Variants in TAFA1 observed in about 807,000 individuals in gnomAD.
TAFA1 encodes the protein TAFA chemokine like family member 1.
In TAFA1, 4 loss-of-function variants were observed where a neutral mutation model predicts 18.5. The observed-to-expected ratio is 0.22, with a 90% CI of 0.11 to 0.49. TAFA1 has a LOEUF of 0.49. Ranked by LOEUF, TAFA1 falls within the 20% of genes least tolerant of loss-of-function variation. The probability of loss-of-function intolerance (pLI) is 0.98; values close to 1 mark genes in which losing one functional copy is unlikely to be tolerated. For synonymous variants in TAFA1, 56 were observed against 55.2 expected (o/e 1.01, Z -0.06); for missense variants, 147 against 169.0 (o/e 0.87, Z 0.72).
intron 2 of TAFA1, among the ~76,000 whole-genome samples, chr3:68,181,378 C>CA (rs572609783): frequency 0.21 from 16,496 of 80,096 alleles, 1,032 homozygotes; most frequent in Admixed American, 0.31. Context: ...CTAGAACATA[C>CA]AAAAAAAAAA....
intron 2 of TAFA1, among the ~76,000 whole-genome samples, chr3:68,159,624 T>A (rs1171746613): frequency 1.3e-5 from 2 of 152,266 alleles, no homozygotes; most frequent in East Asian, 3.9e-4. Context: ...ACTGGACACT[T>A]CCTACAGGGC....
intron 2 of TAFA1, among the ~76,000 whole-genome samples, chr3:68,146,692 A>C (rs1012805315): frequency 6.6e-6 from 1 of 152,248 alleles, no homozygotes; most frequent in Admixed American, 6.5e-5. Flanking sequence ...GGTGGAACCC[A>C]GATTTCAGTA....
chr3:68,265,564 G>A (rs920173332), intron 2 of TAFA1, among the ~76,000 whole-genome samples: 2 of 152,148 alleles, frequency 1.3e-5, no homozygotes, highest in African/African-American at 4.8e-5. Flanking sequence ...GTCCCACTAG[G>A]GGAAGGAACT....
intron 3 of TAFA1, among the ~76,000 whole-genome samples, chr3:68,497,426 C>A (rs1238375739): frequency 1.3e-5 from 2 of 152,052 alleles, no homozygotes; most frequent in Admixed American, 1.3e-4. Flanking sequence ...TTACAATAAT[C>A]TAATGTGGTC....
intron 4 of TAFA1, among the ~76,000 whole-genome samples, chr3:68,543,973 A>G (rs1253502389): frequency 6.6e-6 from 1 of 152,110 alleles, no homozygotes; most frequent in African/African-American, 2.4e-5. Context: ...CCAGCCCTCT[A>G]TATCTTACAA....
intron 2 of TAFA1, among the ~76,000 whole-genome samples, chr3:68,316,145 G>C (rs1169959956): frequency 6.6e-6 from 1 of 152,178 alleles, no homozygotes; most frequent in Non-Finnish European, 1.5e-5. Context: ...CTGAGTAAAG[G>C]CTGTTTTGTT....
chr3:68,275,871 G>T (rs149150717), intron 2 of TAFA1, among the ~76,000 whole-genome samples: 1 of 151,990 alleles, frequency 6.6e-6, no homozygotes, highest in East Asian at 1.9e-4. Flanking sequence ...CCCCAAATGC[G>T]ACTACCTAAC....
At chr3:68,381,982 G>A (rs549191517) in intron 2 of TAFA1, among the ~76,000 whole-genome samples, 10 of 152,252 alleles carry the variant, frequency 6.6e-5, no homozygotes, top group African/African-American at 2.4e-4. Flanking sequence ...TAGCATGAAG[G>A]GTTGTTGACT....
chr3:68,200,392 G>A (rs2066457224), intron 2 of TAFA1, among the ~76,000 whole-genome samples: 1 of 151,596 alleles, frequency 6.6e-6, no homozygotes, highest in African/African-American at 2.4e-5. Context: ...TTCTAAAAGA[G>A]ATTGTAAAGA....
chr3:68,538,768 T>C lies in TAFA1; in HGVS notation c.272T>C (p.Ile91Thr). Residue 91 changes from isoleucine (I) to threonine (T), a missense_variant, in exon 4 of 5, where the codon ATT becomes ACT. Physicochemically the swap from Ile to Thr is moderately conservative, Grantham distance 89 (BLOSUM62 -1). Transcript: ENST00000478136. Reference protein sequence around the residue: ...RPSCVDASIVIGKWWCEMEPC... With the variant: ...RPSCVDASIVTGKWWCEMEPC... ...TGTTTCTGCACAGCCTCCATAGTGA[T>C]TGGGAAATGGTGGTGTGAGATGGAG... is the stretch of plus-strand genomic sequence containing the variant. 1 of 1,613,436 alleles carries C rather than the reference T, an allele frequency of 6.2e-7. No homozygotes were observed. The highest frequency in any genetic ancestry group is 1.1e-5 in the South Asian group (1 of 91,064).
chr3:68,073,141 A>T (rs980625927), intron 2 of TAFA1, among the ~76,000 whole-genome samples: 7 of 152,204 alleles, frequency 4.6e-5, no homozygotes, highest in Non-Finnish European at 8.8e-5. Flanking sequence ...AAGTAGATAA[A>T]CCAGCAGAAG....
chr3:68,198,285 T>G (rs958094504), intron 2 of TAFA1, among the ~76,000 whole-genome samples: 2 of 151,718 alleles, frequency 1.3e-5, no homozygotes, highest in African/African-American at 4.8e-5. Flanking sequence ...CTGAACAACA[T>G]CTTCATTGCT....
intron 2 of TAFA1, among the ~76,000 whole-genome samples, chr3:68,285,109 G>A (rs914908792): frequency 2.6e-5 from 4 of 152,042 alleles, no homozygotes; most frequent in African/African-American, 9.7e-5. Flanking sequence ...CAAACAAATT[G>A]CAAATGCATT....
At chr3:68,478,916 G>GTA (rs71112646) in intron 3 of TAFA1, among the ~76,000 whole-genome samples, 69,533 of 146,500 alleles carry the variant, frequency 0.47, 16,510 homozygotes, top group Admixed American at 0.55. Flanking sequence ...GTATATGTGT[G>GTA]TATATATATA....
At chr3:68,281,211 A>G (rs9833843) in intron 2 of TAFA1, among the ~76,000 whole-genome samples, 1,808 of 152,280 alleles carry the variant, frequency 0.012, 35 homozygotes, top group African/African-American at 0.042. Flanking sequence ...TTTTATAGAT[A>G]AGTAAATTAA....
intron 2 of TAFA1, among the ~76,000 whole-genome samples, chr3:68,196,979 A>G (rs2066418172): frequency 1.3e-5 from 2 of 151,780 alleles, no homozygotes; most frequent in South Asian, 4.1e-4. Context: ...GTATTTTGTT[A>G]CCAGGATAAT....
At chr3:68,178,128 T>G (rs2066148659) in intron 2 of TAFA1, among the ~76,000 whole-genome samples, 1 of 150,098 alleles carries the variant, frequency 6.7e-6, no homozygotes, top group African/African-American at 2.4e-5. Flanking sequence ...TGGGTGAGAG[T>G]GCGAGACTCC....
intron 3 of TAFA1, among the ~76,000 whole-genome samples, chr3:68,504,164 G>T (rs1011509669): frequency 6.6e-6 from 1 of 152,130 alleles, no homozygotes; most frequent in Admixed American, 6.6e-5. Flanking sequence ...CAGCCTTGGA[G>T]TTTGTATGTC....
chr3:68,479,984 T>C (rs1284808582), intron 3 of TAFA1, among the ~76,000 whole-genome samples: 1 of 152,192 alleles, frequency 6.6e-6, no homozygotes, highest in East Asian at 1.9e-4. Flanking sequence ...TTCACTTCTC[T>C]AAGATTGGAT....
Sources: gnomAD v4.1 joint callset for allele counts (sites outside exome capture counted in the v4.1 genomes callset) on GRCh38, gnomAD v4.1.1 for gene constraint, MANE v1.5 for transcripts, NCBI Gene and HGNC (gene_info 2026-07-23, HGNC 2026-07-21) for gene names.